HIP1: variants seen among roughly 807,000 people sequenced by gnomAD.
The protein encoded by HIP1 is huntingtin-interacting protein 1.
A neutral mutation model predicts 147.6 loss-of-function variants in HIP1; 65 were observed. That is an observed-to-expected ratio of 0.44 (90% CI 0.36 to 0.54). The LOEUF (loss-of-function observed/expected upper bound fraction) is 0.54, where lower values mean the gene tolerates loss of function less well. Ranked by LOEUF, HIP1 falls within the 20% of genes least tolerant of loss-of-function variation. The pLI, the probability that HIP1 is intolerant of heterozygous loss-of-function variation, is 0.00. For synonymous variants in HIP1, 479 were observed against 504.0 expected (o/e 0.95, Z 0.67); for missense variants, 1,061 against 1,299.6 (o/e 0.82, Z 2.82).
chr7:75,672,666 A>G (rs575978501), intron 1 of HIP1, among the ~76,000 whole-genome samples: 5 of 152,274 alleles, frequency 3.3e-5, no homozygotes, highest in South Asian at 2.1e-4. Context: ...AAGCAAAAAC[A>G]TTTGTAATAT....
chr7:75,613,572 T>C lies in HIP1; in HGVS notation c.121-14325A>G, dbSNP rs1042689859. ...TTTGGTCCCTAGAGGGCAAGAAATC[T>C]GGGCCCCTATTTTCCAAGACAAGCT... On this transcript the variant is annotated intron_variant, in intron 1 of 30. Transcript: ENST00000336926. 2.6e-5 allele frequency among the ~76,000 whole-genome samples: 4 copies of C among 152,074 alleles called. No individual in the cohort carries two copies. The South Asian group carries it at 8.3e-4, about 32-fold the overall frequency.
At chr7:75,695,735 C>A (rs1458573912) in intron 1 of HIP1, among the ~76,000 whole-genome samples, 3 of 152,028 alleles carry the variant, frequency 2.0e-5, no homozygotes, top group Non-Finnish European at 4.4e-5. Flanking sequence ...CCACCACACC[C>A]AGCTAATTTT....
At chr7:75,736,065 TA>T (rs1250001247) in intron 1 of HIP1, among the ~76,000 whole-genome samples, 22 of 147,490 alleles carry the variant, frequency 1.5e-4, no homozygotes, top group Admixed American at 2.0e-4. Flanking sequence ...ACCTCCGTCT[TA>T]AAAAAAAAAA....
At chr7:75,701,060 C>T (rs923722493) in intron 1 of HIP1, among the ~76,000 whole-genome samples, 3 of 152,092 alleles carry the variant, frequency 2.0e-5, no homozygotes, top group African/African-American at 7.2e-5. Flanking sequence ...GTAGCCTCTC[C>T]GGATGGGATG....
intron 4 of HIP1, among the ~76,000 whole-genome samples, chr7:75,590,999 A>G (rs1796482900): frequency 6.6e-6 from 1 of 152,124 alleles, no homozygotes; most frequent in South Asian, 2.1e-4. Context: ...CTCAACTGGT[A>G]GAGGCAAAAG....
At chr7:75,637,021 G>C (rs1483264666) in intron 1 of HIP1, among the ~76,000 whole-genome samples, 1 of 152,134 alleles carries the variant, frequency 6.6e-6, no homozygotes, top group African/African-American at 2.4e-5. Flanking sequence ...CTGAGGTCTT[G>C]GTCTTCCTTC....
intron 1 of HIP1, among the ~76,000 whole-genome samples, chr7:75,643,463 C>G (rs1368828979): frequency 6.6e-6 from 1 of 152,106 alleles, no homozygotes; most frequent in African/African-American, 2.4e-5. Context: ...GAGACCCCAT[C>G]TCTATTTCCA....
At chr7:75,636,750 G>T (rs1283807311) in intron 1 of HIP1, among the ~76,000 whole-genome samples, 1 of 152,166 alleles carries the variant, frequency 6.6e-6, no homozygotes, top group African/African-American at 2.4e-5. Flanking sequence ...CAAGCTAAAA[G>T]AGGAAAGAGG....
chr7:75,563,716 C>T (rs899182525), intron 9 of HIP1, among the ~76,000 whole-genome samples: 9 of 152,168 alleles, frequency 5.9e-5, no homozygotes, highest in Admixed American at 1.3e-4. Context: ...TATTTGTTCT[C>T]TCCACAATTA....
Position 75,534,143 on chromosome 7 carries a change from C to G in HIP1, c.*4029G>C, listed in dbSNP as rs1185838367. 3 of 230,322 alleles carry G rather than the reference C, an allele frequency of 1.3e-5. No individual in the cohort carries two copies. The highest frequency in any genetic ancestry group is 2.6e-5 in the Non-Finnish European group (3 of 116,360). 14.3% of individuals were successfully genotyped at this position (230,322 alleles called of 1,614,324 possible). On this transcript the variant is annotated 3_prime_UTR_variant, in exon 31 of 31. Coordinates refer to ENST00000336926, the MANE Select transcript of HIP1 (RefSeq NM_005338.7). ...TAGCTCCTGCACAGGGTCGAGGGGCCAAAGCCAACTAATCTGACCGGAGCG... is the reference window on the plus strand; with the variant it reads ...TAGCTCCTGCACAGGGTCGAGGGGCGAAAGCCAACTAATCTGACCGGAGCG...
intron 1 of HIP1, among the ~76,000 whole-genome samples, chr7:75,670,791 T>G (rs1584938288): frequency 7.0e-6 from 1 of 143,694 alleles, no homozygotes; most frequent in East Asian, 2.0e-4. Flanking sequence ...TAAAACTTTT[T>G]TTTTTTTTTT....
At chr7:75,654,038 G>A (rs551531724) in intron 1 of HIP1, among the ~76,000 whole-genome samples, 2 of 152,250 alleles carry the variant, frequency 1.3e-5, no homozygotes, top group East Asian at 1.9e-4. Context: ...GCCTCAGTAC[G>A]CTCTGCAGCA....
At chr7:75,621,971 C>T (rs1294557174) in intron 1 of HIP1, among the ~76,000 whole-genome samples, 1 of 151,970 alleles carries the variant, frequency 6.6e-6, no homozygotes, top group Non-Finnish European at 1.5e-5. Flanking sequence ...TGGGCTGTGC[C>T]GCATCTGGAG....
At chr7:75,662,089 A>G (rs1584929891) in intron 1 of HIP1, among the ~76,000 whole-genome samples, 1 of 61,528 alleles carries the variant, frequency 1.6e-5, no homozygotes, top group African/African-American at 6.6e-5. Flanking sequence ...GAGGGGAGGG[A>G]GGAGGGGAAG....
rs1795291199 is a variant in HIP1, at chr7:75,563,201, G to A, written c.866C>T (p.Pro289Leu). 1 of 1,614,222 alleles carries A rather than the reference G, an allele frequency of 6.2e-7. No individual in the cohort carries two copies. The highest frequency in any genetic ancestry group is 8.5e-7 in the Non-Finnish European group (1 of 1,180,026). Residue 289 changes from proline to leucine, a missense_variant, in exon 10 of 31, where the codon CCC (proline) becomes CTC (leucine). Around this residue, in one of 3 missense-constraint regions of HIP1, gnomAD observed 810 missense variants for 946.8 expected, o/e 0.86. Transcript: ENST00000336926. The stretch of plus-strand genomic sequence containing the variant: ...GGGCATGCTTACCTCAGGCAGCTGG[G>A]GGATCTGAATGAGCCGCTTGAAGTA... ...LQYFKRLIQIPQLPENPPNFL... is the reference protein window; with the variant it reads ...LQYFKRLIQILQLPENPPNFL...
rs1218437516 is a variant in HIP1, at chr7:75,595,248, C to CTTTCTTTCTT, written c.185-2735_185-2734insAAGAAAGAAA. On this transcript the variant is annotated intron_variant, in intron 2 of 30. Transcript: ENST00000336926. ...TCTTTCTTTCTTTCTTTCTTTCTTT[C>CTTTCTTTCTT]TTTCTTCCTTCCTTCCTTCCTTCCT... Among the ~76,000 whole-genome samples the CTTTCTTTCTT allele has an allele frequency of 1.4e-3, 139 of 98,788 alleles. 1 individual carries two copies. The highest frequency in any genetic ancestry group is 5.3e-3 in the African/African-American group (135 of 25,466). 64.8% of individuals were successfully genotyped at this position (98,788 alleles called of 152,430 possible). A position where few individuals can be genotyped will look rare whatever the true frequency, so the allele number is the denominator to read the frequency against.
chr7:75,675,472 G>A (rs1799860376), intron 1 of HIP1, among the ~76,000 whole-genome samples: 1 of 152,036 alleles, frequency 6.6e-6, no homozygotes, highest in Non-Finnish European at 1.5e-5. Context: ...AAAGTGCTGG[G>A]ATCCCAGGCA....
chr7:75,616,085 C>CA (rs71098042), intron 1 of HIP1, among the ~76,000 whole-genome samples: 533 of 35,046 alleles, frequency 0.015, 31 homozygotes, highest in Middle Eastern at 0.019. Context: ...GACTCTGTCT[C>CA]AAAAAAAAAA....
chr7:75,556,279 T>A, intron 17 of HIP1, 110 bp from the exon 18 acceptor site: 2 of 1,291,398 alleles, frequency 1.5e-6, no homozygotes, highest in African/African-American at 1.5e-5. Flanking sequence ...AGGTGATGGC[T>A]CTTTAACCTG....
Sources: allele counts gnomAD v4.1 joint callset (sites outside exome capture counted in the v4.1 genomes callset), GRCh38; gene constraint gnomAD v4.1.1; regional missense constraint gnomAD v4.1.1; transcripts MANE v1.5; gene names NCBI Gene and HGNC (gene_info 2026-07-23, HGNC 2026-07-21).